Variants in DIAPH3 observed in about 807,000 individuals in gnomAD.
DIAPH3 encodes protein diaphanous homolog 3.
DIAPH3 carries 117 observed loss-of-function variants against 144.3 expected under a neutral mutation model. The observed-to-expected ratio is 0.81, with a 90% CI of 0.70 to 0.95. The LOEUF (loss-of-function observed/expected upper bound fraction) is 0.95, where lower values mean the gene tolerates loss of function less well. Ranked by LOEUF, DIAPH3 falls within the 40% of genes least tolerant of loss-of-function variation. The pLI, the probability that DIAPH3 is intolerant of heterozygous loss-of-function variation, is 0.00. For synonymous variants in DIAPH3, 519 were observed against 488.9 expected (o/e 1.06, Z -0.81); for missense variants, 1,421 against 1,412.7 (o/e 1.01, Z -0.09).
At position 60,129,333 on chromosome 13, in the gene DIAPH3, C is replaced by G. The variant is rs144400306; in HGVS notation, c.213+3624G>C. On this transcript the variant is annotated intron_variant, in intron 2 of 27. Transcript: ENST00000400324. ...AACATTTATTCACCTTTATTTATTACCCTAGCACCTAAGCTGCACTTTATA... is the reference window on the plus strand; with the variant it reads ...AACATTTATTCACCTTTATTTATTAGCCTAGCACCTAAGCTGCACTTTATA... 3.3e-5 allele frequency among the ~76,000 whole-genome samples: 5 copies of G among 152,234 alleles called. No homozygotes were observed. The East Asian group carries it at 9.7e-4, about 29-fold the overall frequency.
intron 19 of DIAPH3, among the ~76,000 whole-genome samples, chr13:59,913,030 T>C (rs1264501943): frequency 6.6e-6 from 1 of 152,156 alleles, no homozygotes; most frequent in Non-Finnish European, 1.5e-5. Context: ...CCCACATAAA[T>C]AGAAATTTCT....
intron 22 of DIAPH3, among the ~76,000 whole-genome samples, chr13:59,843,520 G>C (rs926055154): frequency 1.3e-5 from 2 of 152,172 alleles, no homozygotes; most frequent in Non-Finnish European, 2.9e-5. Flanking sequence ...TCCTGGGCTT[G>C]ATTTCCACAT....
At chr13:59,905,531 G>A (rs1244788913) in intron 20 of DIAPH3, among the ~76,000 whole-genome samples, 1 of 152,030 alleles carries the variant, frequency 6.6e-6, no homozygotes, top group Non-Finnish European at 1.5e-5. Context: ...AATGTAGGTA[G>A]GCACTATTAC....
At chr13:60,073,048 C>T (rs1256473420) in intron 4 of DIAPH3, among the ~76,000 whole-genome samples, 1 of 152,122 alleles carries the variant, frequency 6.6e-6, no homozygotes, top group African/African-American at 2.4e-5. Flanking sequence ...GTGGCTCACA[C>T]CTGTAATCCC....
Position 59,788,363 on chromosome 13 carries a change from T to C in DIAPH3, c.3164-13540A>G, listed in dbSNP as rs180852742. Reference sequence around the variant, plus strand: ...GGCCATCTGTGGTGGCTCATGCCTATAATCCTAGCACTTTGGAAGGCCAAC... The same window carrying C: ...GGCCATCTGTGGTGGCTCATGCCTACAATCCTAGCACTTTGGAAGGCCAAC... On this transcript the variant is annotated intron_variant, in intron 25 of 27. Coordinates refer to ENST00000400324, the MANE Select transcript of DIAPH3 (RefSeq NM_001042517.2). Among the ~76,000 whole-genome samples the C allele has an allele frequency of 3.3e-4, 50 of 152,320 alleles. No individual in the cohort carries two copies. The East Asian group carries it at 3.7e-3, about 11-fold the overall frequency.
At chr13:60,054,390 T>G (rs1203574291) in intron 4 of DIAPH3, among the ~76,000 whole-genome samples, 1 of 152,054 alleles carries the variant, frequency 6.6e-6, no homozygotes, top group Non-Finnish European at 1.5e-5. Context: ...GTTATCTACA[T>G]AAAGCCTAAA....
chr13:59,881,186 C>A (rs1369195908), intron 20 of DIAPH3, among the ~76,000 whole-genome samples: 1 of 151,804 alleles, frequency 6.6e-6, no homozygotes, highest in Non-Finnish European at 1.5e-5. Flanking sequence ...GGTTCACTTA[C>A]CTGGATTTTT....
intron 22 of DIAPH3, among the ~76,000 whole-genome samples, chr13:59,852,078 A>G (rs149638632): frequency 1.3e-5 from 2 of 152,188 alleles, no homozygotes; most frequent in Non-Finnish European, 2.9e-5. Context: ...AAACATATCA[A>G]AAACTACTAA....
chr13:59,774,888 T>C (rs1464293431), intron 25 of DIAPH3, 65 bp from the exon 26 acceptor site: 13 of 1,351,062 alleles, frequency 9.6e-6, no homozygotes, highest in East Asian at 9.2e-5. Flanking sequence ...TCAAAGCATA[T>C]ACAAAAACTG....
At chr13:59,871,718 T>TAGATGATA (rs1162066976) in intron 21 of DIAPH3, among the ~76,000 whole-genome samples, 1 of 152,224 alleles carries the variant, frequency 6.6e-6, no homozygotes, top group Non-Finnish European at 1.5e-5. Context: ...AATTTACTGG[T>TAGATGATA]GAAACCATCT....
At chr13:59,706,839 T>A (rs1434831475) in intron 27 of DIAPH3, among the ~76,000 whole-genome samples, 1 of 152,234 alleles carries the variant, frequency 6.6e-6, no homozygotes, top group East Asian at 1.9e-4. Flanking sequence ...ATAATTGTGA[T>A]TGTCTATATT....
At chr13:59,924,646 T>C (rs941453456) in intron 18 of DIAPH3, 129 bp downstream of exon 18, 3 of 1,399,548 alleles carry the variant, frequency 2.1e-6, no homozygotes, top group Non-Finnish European at 2.8e-6. Flanking sequence ...GAGAGTTATC[T>C]GTGAATTTAT....
chr13:59,931,935 A>C (rs932975889), intron 17 of DIAPH3, among the ~76,000 whole-genome samples: 1 of 152,188 alleles, frequency 6.6e-6, no homozygotes, highest in Non-Finnish European at 1.5e-5. Context: ...ACAGGTATCA[A>C]TCCTAGTAAC....
intron 24 of DIAPH3, among the ~76,000 whole-genome samples, chr13:59,819,339 A>G (rs1300200052): frequency 1.3e-5 from 2 of 151,774 alleles, no homozygotes; most frequent in Non-Finnish European, 2.9e-5. Context: ...TTTCAACTTC[A>G]TTCTTTCTCT....
intron 4 of DIAPH3, among the ~76,000 whole-genome samples, chr13:60,089,372 A>C (rs2057855039): frequency 6.6e-6 from 1 of 152,216 alleles, no homozygotes. Flanking sequence ...GATTAAAAAT[A>C]ATCAAACCCT....
intron 2 of DIAPH3, among the ~76,000 whole-genome samples, chr13:60,118,723 G>A (rs1198752792): frequency 6.6e-6 from 1 of 152,166 alleles, no homozygotes; most frequent in Non-Finnish European, 1.5e-5. Flanking sequence ...ATCCTGTCCA[G>A]CCACTTGCTT....
chr13:60,120,796 C>T (rs941169376), intron 2 of DIAPH3, among the ~76,000 whole-genome samples: 2 of 152,136 alleles, frequency 1.3e-5, no homozygotes, highest in Admixed American at 1.3e-4. Context: ...ACTCCAGCCC[C>T]ATCAAGGCTG....
intron 17 of DIAPH3, among the ~76,000 whole-genome samples, chr13:59,954,397 A>C (rs139321850): frequency 4.6e-5 from 7 of 152,296 alleles, no homozygotes; most frequent in African/African-American, 1.7e-4. Flanking sequence ...CTGGCCTTAT[A>C]ACCCCAATAT....
chr13:59,955,408 T>G (rs574125377), intron 17 of DIAPH3, among the ~76,000 whole-genome samples: 4 of 152,174 alleles, frequency 2.6e-5, no homozygotes, highest in Non-Finnish European at 5.9e-5. Flanking sequence ...ATGTAAGACG[T>G]GCCTTTACTC....
Sources: allele counts gnomAD v4.1 joint callset (sites outside exome capture counted in the v4.1 genomes callset), GRCh38; gene constraint gnomAD v4.1.1; transcripts MANE v1.5; gene names NCBI Gene and HGNC (gene_info 2026-07-23, HGNC 2026-07-21).